Variants in RPRD2 observed in about 807,000 individuals in gnomAD.
The protein encoded by RPRD2 is regulation of nuclear pre-mRNA domain-containing protein 2.
A neutral mutation model predicts 104.4 loss-of-function variants in RPRD2; 12 were observed. The observed-to-expected ratio is 0.11, with a 90% CI of 0.07 to 0.19. The LOEUF is 0.19. Ranked by LOEUF, RPRD2 falls within the 10% of genes least tolerant of loss-of-function variation. RPRD2 has a pLI of 1.00. For synonymous variants in RPRD2, 714 were observed against 684.9 expected, an observed-to-expected ratio of 1.04 and a Z score of -0.66; for missense variants, 1,543 against 1,790.1, an observed-to-expected ratio of 0.86 and a Z score of 2.49.
intron 1 of RPRD2, among the ~76,000 whole-genome samples, chr1:150,373,030 T>A (rs986787834): frequency 6.6e-6 from 1 of 152,066 alleles, no homozygotes; most frequent in African/African-American, 2.4e-5. Flanking sequence ...TCTTTTTTTT[T>A]TGAGACGGAA....
chr1:150,418,811 A>G (rs1330631265), intron 2 of RPRD2, among the ~76,000 whole-genome samples: 1 of 152,168 alleles, frequency 6.6e-6, no homozygotes, highest in Non-Finnish European at 1.5e-5. Flanking sequence ...TCAGGAGATC[A>G]AGACCATCAA....
At chr1:150,448,727 T>C (rs1354261079) in intron 7 of RPRD2, among the ~76,000 whole-genome samples, 1 of 152,210 alleles carries the variant, frequency 6.6e-6, no homozygotes, top group Non-Finnish European at 1.5e-5. Context: ...TCACACCAGC[T>C]ATTCTGAATT....
Position 150,385,230 on chromosome 1 carries a change from G to A in RPRD2, c.205+20311G>A, listed in dbSNP as rs189577634. Among the ~76,000 whole-genome samples the A allele has an allele frequency of 1.1e-3, 163 of 152,270 alleles. 2 individuals are homozygous for A. The highest frequency in any genetic ancestry group is 3.8e-3 in the African/African-American group (156 of 41,570). ...TAATCCCAGCACTTTGGGAGGCTGA[G>A]GTGGGAGGATTGCATGAGCCTGGGA... On this transcript the variant is annotated intron_variant, in intron 1 of 10. Transcript: ENST00000369068.
intron 1 of RPRD2, among the ~76,000 whole-genome samples, chr1:150,381,247 A>AC (rs1338341495): frequency 7.2e-6 from 1 of 139,134 alleles, no homozygotes; most frequent in Non-Finnish European, 1.5e-5. Context: ...ACATAGTGAG[A>AC]CCCCCATCTC....
intron 1 of RPRD2, among the ~76,000 whole-genome samples, chr1:150,399,828 G>A (rs1458772804): frequency 1.3e-5 from 2 of 151,910 alleles, no homozygotes; most frequent in African/African-American, 4.8e-5. Context: ...ATGGAAATCA[G>A]GTAGTATGCA....
chr1:150,463,990 T>C (rs1553899365), intron 9 of RPRD2, among the ~76,000 whole-genome samples: 2 of 152,148 alleles, frequency 1.3e-5, no homozygotes, highest in African/African-American at 2.4e-5. Context: ...TTTTTAAAAA[T>C]AAATAAGAAA....
intron 10 of RPRD2, among the ~76,000 whole-genome samples, chr1:150,465,409 C>T (rs1553899709): frequency 6.6e-6 from 1 of 152,204 alleles, no homozygotes; most frequent in African/African-American, 2.4e-5. Context: ...TGAGCCACTG[C>T]GCCCCTCCTA....
At chr1:150,383,686 CAAG>C (rs1476910173) in intron 1 of RPRD2, among the ~76,000 whole-genome samples, 15 of 152,100 alleles carry the variant, frequency 9.9e-5, no homozygotes, top group Admixed American at 7.2e-4. Context: ...ATAATAGAAA[CAAG>C]GAGTATAAAA....
At chr1:150,387,065 C>T (rs1661618500) in intron 1 of RPRD2, among the ~76,000 whole-genome samples, 1 of 152,138 alleles carries the variant, frequency 6.6e-6, no homozygotes, top group African/African-American at 2.4e-5. Flanking sequence ...AGTTTTTATG[C>T]ATTCATGACA....
chr1:150,457,635 A>C, intron 8 of RPRD2, 65 bp downstream of exon 8: 3 of 1,307,684 alleles, frequency 2.3e-6, no homozygotes, highest in Non-Finnish European at 3.3e-6. Context: ...AGCAATGAAT[A>C]CATCACAGGC....
At chr1:150,435,370 T>C (rs1004432881) in intron 2 of RPRD2, among the ~76,000 whole-genome samples, 7 of 152,114 alleles carry the variant, frequency 4.6e-5, no homozygotes, top group Non-Finnish European at 8.8e-5. Context: ...AATAAAAAAC[T>C]AGAAAAGATT....
At position 150,364,831 on chromosome 1, in the gene RPRD2, G is replaced by A; in HGVS notation, c.117G>A (p.Glu39=). The change falls in exon 1 of 11, where the codon GAG becomes GAA. Residue 39 remains glutamate (E), a synonymous_variant. Coordinates refer to ENST00000369068, the MANE Select transcript of RPRD2 (RefSeq NM_015203.5). ...RKFQSVTNTM[E]SIQGLSSWCI... ...TCCAGTCGGTAACCAACACCATGGA[G>A]TCCATTCAAGGCTTGTCGTCTTGGT... 1 of 1,613,936 alleles carries A rather than the reference G, an allele frequency of 6.2e-7. No homozygotes were observed. The highest frequency in any genetic ancestry group is 8.5e-7 in the Non-Finnish European group (1 of 1,179,814).
At chr1:150,419,137 C>T (rs1476837241) in intron 2 of RPRD2, among the ~76,000 whole-genome samples, 1 of 152,170 alleles carries the variant, frequency 6.6e-6, no homozygotes, top group African/African-American at 2.4e-5. Flanking sequence ...AAACTTATAT[C>T]TGATCTTATT....
At chr1:150,433,046 G>A (rs1419884462) in intron 2 of RPRD2, among the ~76,000 whole-genome samples, 2 of 151,934 alleles carry the variant, frequency 1.3e-5, no homozygotes, top group Non-Finnish European at 2.9e-5. Flanking sequence ...ATATGTTTGA[G>A]GTGATGGCTA....
rs1668901519 is a variant in RPRD2 at position 150,476,540 on chromosome 1, T to C, written c.*3206T>C. 1 of 152,238 alleles carries C rather than the reference T, an allele frequency of 6.6e-6. No individual in the cohort carries two copies. The highest frequency in any genetic ancestry group is 1.9e-4 in the East Asian group (1 of 5,198). The allele number at this position is 152,238 out of a possible 1,614,324, so 9.4% of individuals were successfully genotyped here. On this transcript the variant is annotated 3_prime_UTR_variant, in exon 11 of 11. Transcript: ENST00000369068. ...AATCCTTTTGAAATGTGTGTTAATA[T>C]CGTTTAATAAAATAACTAGTTTGAA...
chr1:150,364,809 A>G lies in RPRD2; in HGVS notation c.95A>G (p.Gln32Arg). The G allele has an allele frequency of 1.2e-6, 2 of 1,613,892 alleles. No individual in the cohort carries two copies. The highest frequency in any genetic ancestry group is 8.5e-7 in the Non-Finnish European group (1 of 1,179,832). Residue 32 changes from glutamine to arginine, a missense_variant, in exon 1 of 11, where the codon CAG becomes CGG. By Grantham distance (43) the Gln-to-Arg change is conservative. Around this residue, in one of 4 missense-constraint regions of RPRD2, gnomAD observed 88 missense variants for 96.6 expected, o/e 0.91. Transcript: ENST00000369068. Reference sequence around the variant, plus strand: ...GAGTCCTCGTTGGATCGAAAATTCCAGTCGGTAACCAACACCATGGAGTCC... The same window carrying G: ...GAGTCCTCGTTGGATCGAAAATTCCGGTCGGTAACCAACACCATGGAGTCC... ...ALESSLDRKF[Q>R]SVTNTMESIQ...
At chr1:150,407,484 T>G (rs1663568617) in intron 1 of RPRD2, among the ~76,000 whole-genome samples, 1 of 152,216 alleles carries the variant, frequency 6.6e-6, no homozygotes, top group Non-Finnish European at 1.5e-5. Context: ...TTAGGCTAGT[T>G]GCGTCTTAGC....
At chr1:150,451,497 A>AC (rs1667166300) in intron 7 of RPRD2, among the ~76,000 whole-genome samples, 1 of 151,116 alleles carries the variant, frequency 6.6e-6, no homozygotes, top group African/African-American at 2.4e-5. Flanking sequence ...ACATCGTGAA[A>AC]CCCCGTCTCC....
chr1:150,463,681 C>A (rs1273342195), intron 9 of RPRD2, among the ~76,000 whole-genome samples: 2 of 152,118 alleles, frequency 1.3e-5, no homozygotes, highest in Non-Finnish European at 2.9e-5. Context: ...AAGGAAATTT[C>A]TTAAATAATC....
Sources: gnomAD v4.1 joint callset for allele counts (sites outside exome capture counted in the v4.1 genomes callset) on GRCh38, gnomAD v4.1.1 for gene constraint, gnomAD v4.1.1 regional missense constraint, MANE v1.5 for transcripts, NCBI Gene and HGNC (gene_info 2026-07-23, HGNC 2026-07-21) for gene names.